SCNN1A: variants seen among roughly 807,000 people sequenced by gnomAD.
SCNN1A encodes sodium channel epithelial 1 subunit alpha, also known as epithelial sodium channel subunit alpha.
Under a neutral mutation model 68.6 loss-of-function variants are expected in SCNN1A, and 65 were observed. That is an observed-to-expected ratio of 0.95 (90% CI 0.78 to 1.16). The LOEUF (loss-of-function observed/expected upper bound fraction) is 1.16. Ranked by LOEUF, SCNN1A falls within the 50% of genes most tolerant of loss-of-function variation. The pLI, the probability that SCNN1A is intolerant of heterozygous loss-of-function variation, is 0.00. For missense variants in SCNN1A, 880 were observed against 865.9 expected (o/e 1.02, Z -0.20); for synonymous variants, 357 against 353.3 (o/e 1.01, Z -0.12).
upstream of SCNN1A, chr12:6,377,160 T>G: frequency 9.4e-7 from 1 of 1,063,496 alleles, no homozygotes; most frequent in Non-Finnish European, 1.4e-6. Context: ...TCCAACCTGG[T>G]CTGTGGCTTC....
chr12:6,374,836 C>A lies in SCNN1A; in HGVS notation c.-53G>T. On this transcript the variant is annotated splice_region_variant and 5_prime_UTR_variant, in exon 2 of 13. Coordinates refer to ENST00000228916, the MANE Select transcript of SCNN1A (RefSeq NM_001038.6). This position sits in a 1 kb window ranked among gnomAD's most constrained non-coding sequence, Gnocchi z 6.2. Reference sequence around the variant, plus strand: ...AGGGTCCTGCTCCTCCAGCTTGTTCCCCTTCATGAGCCCCGGAGTGGATTG... The same window carrying A: ...AGGGTCCTGCTCCTCCAGCTTGTTCACCTTCATGAGCCCCGGAGTGGATTG... The A allele has an allele frequency of 6.2e-7, 1 of 1,614,098 alleles. No homozygotes were observed. Among genetic ancestry groups the A allele is most frequent in the Non-Finnish European group, 8.5e-7 (1 of 1,180,018 alleles).
intron 5 of SCNN1A, 52 bp downstream of exon 5, chr12:6,355,724 CA>C (rs1948485375): frequency 1.2e-5 from 15 of 1,257,152 alleles, no homozygotes; most frequent in Non-Finnish European, 1.8e-5. Context: ...AAGGTAAGTA[CA>C]GGTGAGTGGC....
Position 6,363,519 on chromosome 12 carries a change from G to T in SCNN1A, c.608C>A (p.Ala203Asp). ...VPPPPHGARR[A>D]RSVASSLRDN... ...CCGCAAGCTGGAGGCCACGCTACGG[G>T]CTCGACGGGCCCCGTGAGGCGGGGG... Residue 203 changes from alanine (A) to aspartate (D), a missense_variant, in exon 3 of 13, where the codon GCC (alanine) becomes GAC (aspartate). Coordinates refer to ENST00000228916, the MANE Select transcript of SCNN1A (RefSeq NM_001038.6). 6.2e-7 allele frequency: 1 copy of T among 1,609,692 alleles called. No homozygotes were observed. Among genetic ancestry groups the T allele is most frequent in the Non-Finnish European group, 8.5e-7 (1 of 1,178,006 alleles).
intron 1 of SCNN1A, chr12:6,375,148 C>G (rs1592090045): frequency 2.8e-5 from 41 of 1,468,908 alleles, no homozygotes; most frequent in Non-Finnish European, 3.5e-5. Flanking sequence ...GTCTCTGCCC[C>G]CTTCCTTTGG....
At chr12:6,377,036 T>A (rs1044915284), upstream of SCNN1A, 29 of 488,084 alleles carry the variant, frequency 5.9e-5, no homozygotes, top group Non-Finnish European at 1.0e-4. Flanking sequence ...GCCTAGGGGC[T>A]CACTGCAGGA....
chr12:6,362,299 G>C, intron 3 of SCNN1A, 58 bp from the exon 4 acceptor site: 2 of 1,451,530 alleles, frequency 1.4e-6, no homozygotes, highest in Non-Finnish European at 1.9e-6. Context: ...CCCCTTGGCA[G>C]GGCCAAGGGC....
At position 6,363,546 on chromosome 12, in the gene SCNN1A, G is replaced by A. The variant is rs1315147260; in HGVS notation, c.581C>T (p.Pro194Leu). 1 of 1,609,860 alleles carries A rather than the reference G, an allele frequency of 6.2e-7. No homozygotes were observed. The highest frequency in any genetic ancestry group is 1.7e-5 in the Admixed American group (1 of 59,642). ...LPHPLQRLRVPPPPHGARRAR... is the reference protein window; with the variant it reads ...LPHPLQRLRVLPPPHGARRAR... ...TCGACGGGCCCCGTGAGGCGGGGGC[G>A]GGACCCTCAGGCGCTGCAAGGGGTG... is the stretch of plus-strand genomic sequence containing the variant. Residue 194 changes from proline to leucine, a missense_variant, in exon 3 of 13, where the codon CCG (proline) becomes CTG (leucine). Around this residue, in one of 3 missense-constraint regions of SCNN1A, gnomAD observed 758 missense variants for 721.8 expected, o/e 1.05. Coordinates refer to ENST00000228916, the MANE Select transcript of SCNN1A (RefSeq NM_001038.6).
chr12:6,366,220 A>G (rs932959427), intron 2 of SCNN1A, among the ~76,000 whole-genome samples: 31 of 152,212 alleles, frequency 2.0e-4, no homozygotes, highest in African/African-American at 7.5e-4. Context: ...AAATGATACG[A>G]TCATTTTGGA....
intron 3 of SCNN1A, 111 bp downstream of exon 3, chr12:6,363,332 G>C (rs932084368): frequency 2.9e-5 from 25 of 849,682 alleles, no homozygotes; most frequent in Non-Finnish European, 4.0e-5. Flanking sequence ...GAGGCCCCGC[G>C]TGGTGTCACT....
chr12:6,369,924 C>T (rs1254720458), intron 2 of SCNN1A, among the ~76,000 whole-genome samples: 1 of 152,028 alleles, frequency 6.6e-6, no homozygotes, highest in African/African-American at 2.4e-5. Flanking sequence ...GAGTTGACAC[C>T]TAGAGCTAAG....
chr12:6,349,706 C>T, intron 8 of SCNN1A: 1 of 283,328 alleles, frequency 3.5e-6, no homozygotes, highest in Non-Finnish European at 6.8e-6. Flanking sequence ...GAGACCTTGT[C>T]TCTAAAAAAA....
At chr12:6,375,602 G>T, upstream of SCNN1A, 1 of 1,339,078 alleles carries the variant, frequency 7.5e-7, no homozygotes, top group South Asian at 1.2e-5. Context: ...AAGGTGAGCA[G>T]GGCGGGGGGA....
intron 4 of SCNN1A, chr12:6,356,131 CAGAG>C (rs771898214): frequency 7.1e-5 from 39 of 548,958 alleles, no homozygotes; most frequent in Non-Finnish European, 1.2e-4. Context: ...AGCTAAGGCT[CAGAG>C]AGCTCAAACA....
Position 6,347,872 on chromosome 12 carries a change from C to A in SCNN1A, c.*1G>T. Reference sequence around the variant, plus strand: ...TGGTGTGAGAAACCTCTCCTTCCCTCTCAGGGCCCCCCCAGAGGACAGGTG... The same window carrying A: ...TGGTGTGAGAAACCTCTCCTTCCCTATCAGGGCCCCCCCAGAGGACAGGTG... On this transcript the variant is annotated 3_prime_UTR_variant, in exon 13 of 13. Transcript: ENST00000228916. The A allele has an allele frequency of 6.2e-7, 1 of 1,601,190 alleles. No homozygotes were observed.
chr12:6,375,520 G>C lies in SCNN1A; in HGVS notation c.-70C>G. On this transcript the variant is annotated 5_prime_UTR_variant, in exon 1 of 13. Transcript: ENST00000228916. ...TCCCCCTCACCTGACAGGTGCAGCG[G>C]CCTGGCTGGGGAGCCCGCCCGCTGG... 1 of 1,535,470 alleles carries C rather than the reference G, an allele frequency of 6.5e-7. No homozygotes were observed. Among genetic ancestry groups the C allele is most frequent in the Non-Finnish European group, 8.7e-7 (1 of 1,146,770 alleles).
chr12:6,357,306 G>T (rs981924160), intron 4 of SCNN1A, among the ~76,000 whole-genome samples: 25 of 152,338 alleles, frequency 1.6e-4, no homozygotes, highest in African/African-American at 5.3e-4. Context: ...GGGCACAGTG[G>T]CTCACGCCTG....
rs1233308802 is a variant in SCNN1A at position 6,351,374 on chromosome 12, A to G, written c.1361-1969T>C. Among the ~76,000 whole-genome samples the G allele has an allele frequency of 1.3e-5, 2 of 152,234 alleles. No individual in the cohort carries two copies. Among genetic ancestry groups the G allele is most frequent in the Non-Finnish European group, 2.9e-5 (2 of 68,030 alleles). The stretch of plus-strand genomic sequence containing the variant: ...CGCAGTGGCTCATGCCTGTAATCCC[A>G]GCACTTGGGGGCTGAGGTGGGCGGA... On this transcript the variant is annotated intron_variant, in intron 8 of 12. Coordinates refer to ENST00000228916, the MANE Select transcript of SCNN1A (RefSeq NM_001038.6). This position sits in a 1 kb window ranked among gnomAD's most constrained non-coding sequence, Gnocchi z 4.2.
rs765571538 is a variant in SCNN1A at position 6,355,850 on chromosome 12, A to C, written c.906T>G (p.Tyr302Ter). 6.2e-7 allele frequency: 1 copy of C among 1,613,182 alleles called. No homozygotes were observed. Among genetic ancestry groups the C allele is most frequent in the Non-Finnish European group, 8.5e-7 (1 of 1,179,088 alleles). Residue 302 changes from tyrosine (Y) to a stop codon, truncating the protein, a stop_gained, in exon 5 of 13, where the codon TAT (tyrosine) becomes TAG (stop). Coordinates refer to ENST00000228916, the MANE Select transcript of SCNN1A (RefSeq NM_001038.6). LOFTEE classifies it high-confidence loss of function. Reference sequence around the variant, plus strand: ...TGTCATTGAAAGTATAGCAGTTTCCATACATCGGGTGGTGGAAGTGAGAGT... The same window carrying C: ...TGTCATTGAAAGTATAGCAGTTTCCCTACATCGGGTGGTGGAAGTGAGAGT... ...ANYSHFHHPM[Y>*]GNCYTFNDKN...
In SCNN1A at chr12:6,348,991, C is replaced by G; in HGVS notation, c.1512G>C (p.Gln504His). ...TGTAATTGTTCTGTCGCGATAGCAT[C>G]TGGAAGACCCATTCCTAGGAAAGAA... ...PSVTSQEWVFQMLSRQNNYTV... is the reference protein window; with the variant it reads ...PSVTSQEWVFHMLSRQNNYTV... The change falls in exon 11 of 13, where the codon CAG (glutamine) becomes CAC (histidine). Residue 504 changes from glutamine to histidine, a missense_variant. Gln to His is a conservative substitution (Grantham distance 24). Around this residue, in one of 3 missense-constraint regions of SCNN1A, gnomAD observed 758 missense variants for 721.8 expected, o/e 1.05. Coordinates refer to ENST00000228916, the MANE Select transcript of SCNN1A (RefSeq NM_001038.6). 1 of 1,614,134 alleles carries G rather than the reference C, an allele frequency of 6.2e-7. No individual in the cohort carries two copies. The highest frequency in any genetic ancestry group is 8.5e-7 in the Non-Finnish European group (1 of 1,180,022).
Sources: allele counts gnomAD v4.1 joint callset (sites outside exome capture counted in the v4.1 genomes callset), GRCh38; gene constraint gnomAD v4.1.1; regional missense constraint gnomAD v4.1.1; non-coding constraint Gnocchi (gnomAD v3.1); transcripts MANE v1.5; gene names NCBI Gene and HGNC (gene_info 2026-07-23, HGNC 2026-07-21).